GRB2: variants seen among roughly 807,000 people sequenced by gnomAD.
The protein encoded by GRB2 is growth factor receptor-bound protein 2.
In GRB2, 2 loss-of-function variants were observed where a neutral mutation model predicts 27.4. That is an observed-to-expected ratio of 0.07 (90% CI 0.03 to 0.23). The LOEUF is 0.23. GRB2 is among the 10% of genes least tolerant of loss of function. GRB2 has a pLI of 1.00. For missense variants in GRB2, 102 were observed against 282.4 expected (o/e 0.36, Z 4.58); for synonymous variants, 94 against 99.6 (o/e 0.94, Z 0.33).
intron 2 of GRB2, among the ~76,000 whole-genome samples, chr17:75,386,395 G>A (rs1445192365): frequency 6.6e-6 from 1 of 152,180 alleles, no homozygotes; most frequent in African/African-American, 2.4e-5. Context: ...TGGGATTATA[G>A]GCATGAGCCA....
intron 2 of GRB2, among the ~76,000 whole-genome samples, chr17:75,369,681 C>T (rs1207144373): frequency 8.0e-6 from 1 of 124,570 alleles, no homozygotes; most frequent in Non-Finnish European, 1.8e-5. Flanking sequence ...ATGGTGAAAC[C>T]GTCTCCACCA....
intron 2 of GRB2, chr17:75,339,276 C>T (rs1186467014): frequency 1.2e-5 from 7 of 560,178 alleles, no homozygotes; most frequent in Non-Finnish European, 1.9e-5. Flanking sequence ...TCACTGCAAG[C>T]TCCGCCTCCT....
At chr17:75,342,030 C>T (rs1448302365) in intron 2 of GRB2, among the ~76,000 whole-genome samples, 5 of 152,302 alleles carry the variant, frequency 3.3e-5, no homozygotes, top group Admixed American at 2.0e-4. Flanking sequence ...CCTCTAAACA[C>T]ACTGTACTCC....
At chr17:75,328,900 T>C (rs2078519571) in intron 3 of GRB2, among the ~76,000 whole-genome samples, 1 of 151,922 alleles carries the variant, frequency 6.6e-6, no homozygotes, top group African/African-American at 2.4e-5. Context: ...ATCGCGCCAC[T>C]GCACTCTAGC....
chr17:75,325,251 T>C (rs2078490977), intron 4 of GRB2, among the ~76,000 whole-genome samples: 1 of 146,510 alleles, frequency 6.8e-6, no homozygotes, highest in Admixed American at 7.1e-5. Flanking sequence ...GATAATACAT[T>C]AACTAGAAAA....
At chr17:75,386,212 G>A (rs185138198) in intron 2 of GRB2, among the ~76,000 whole-genome samples, 4 of 151,806 alleles carry the variant, frequency 2.6e-5, no homozygotes, top group Middle Eastern at 3.2e-3. Flanking sequence ...TCTGCCTCCC[G>A]AGTTCAAGCG....
chr17:75,376,025 A>AG (rs1405224611), intron 2 of GRB2, among the ~76,000 whole-genome samples: 2 of 62,648 alleles, frequency 3.2e-5, no homozygotes, highest in South Asian at 7.6e-4. Flanking sequence ...ACTCCGTCTC[A>AG]GAAAAAAAAA....
chr17:75,350,945 T>C lies in GRB2; in HGVS notation c.79-18148A>G, dbSNP rs113518725. ...TTCTCAGGCAGGAAGGGATGTGGCA[T>C]AGTCTAGGGGAGACCAGGGACAGAG... On this transcript the variant is annotated intron_variant, in intron 2 of 5. Transcript: ENST00000316804. 4.4e-3 allele frequency among the ~76,000 whole-genome samples: 677 copies of C among 152,254 alleles called. 7 individuals are homozygous for C. The highest frequency in any genetic ancestry group is 0.016 in the African/African-American group (649 of 41,554).
intron 3 of GRB2, among the ~76,000 whole-genome samples, chr17:75,330,965 T>G (rs1598220017): frequency 6.6e-6 from 1 of 152,026 alleles, no homozygotes; most frequent in East Asian, 1.9e-4. Context: ...GGTGCTACAT[T>G]TTATGCTTCC....
At chr17:75,376,592 G>A (rs1026624867) in intron 2 of GRB2, among the ~76,000 whole-genome samples, 1 of 151,312 alleles carries the variant, frequency 6.6e-6, no homozygotes, top group Non-Finnish European at 1.5e-5. Flanking sequence ...TTTTTAGCCT[G>A]TATAACATAA....
chr17:75,341,971 T>G (rs2078624414), intron 2 of GRB2, among the ~76,000 whole-genome samples: 1 of 152,174 alleles, frequency 6.6e-6, no homozygotes, highest in Non-Finnish European at 1.5e-5. Flanking sequence ...GATCTCCCAT[T>G]GCTTCTCCAA....
rs373040664 is a variant in GRB2, at chr17:75,357,599, G to A, written c.79-24802C>T. 7.9e-5 allele frequency among the ~76,000 whole-genome samples: 12 copies of A among 152,258 alleles called. No homozygotes were observed. The East Asian group carries it at 1.3e-3, about 17-fold the overall frequency. On this transcript the variant is annotated intron_variant, in intron 2 of 5. Transcript: ENST00000316804. ...CAAATATTCCATTCCTCAAACATCT[G>A]GTGCTCCCTGACGGTCTATTCATGC...
chr17:75,383,828 G>T (rs2078945388), intron 2 of GRB2, among the ~76,000 whole-genome samples: 1 of 152,012 alleles, frequency 6.6e-6, no homozygotes, highest in Non-Finnish European at 1.5e-5. Flanking sequence ...CTACAGCCTG[G>T]GTGACAGAGC....
At chr17:75,364,526 C>T (rs10775367) in intron 2 of GRB2, among the ~76,000 whole-genome samples, 134,628 of 151,950 alleles carry the variant, frequency 0.89, 60,487 homozygotes, top group Non-Finnish European at 0.96. Flanking sequence ...GAGGCAGGAT[C>T]GGAACCCAGG....
rs902834096 is a variant in GRB2, at chr17:75,393,754, C to A, written c.-126G>T. ...GGACTCGCTCCGGCACTCTGGGACA[C>A]ACAATGCCACCCTGAAGCAGGAGAG... On this transcript the variant is annotated 5_prime_UTR_variant, in exon 2 of 6. Transcript: ENST00000316804. 61 of 706,450 alleles carry A rather than the reference C, an allele frequency of 8.6e-5. No homozygotes were observed. The African/African-American group carries it at 9.8e-4, about 11-fold the overall frequency. The allele number at this position is 706,450 out of a possible 1,614,324, so 43.8% of individuals were successfully genotyped here. A position where few individuals can be genotyped will look rare whatever the true frequency, so the allele number is the denominator to read the frequency against.
At chr17:75,349,953 G>A (rs545685978) in intron 2 of GRB2, among the ~76,000 whole-genome samples, 1 of 151,516 alleles carries the variant, frequency 6.6e-6, no homozygotes, top group South Asian at 2.1e-4. Context: ...ATGGCTTTAT[G>A]AAAAGTAATT....
intron 1 of GRB2, 80 bp from the exon 2 acceptor site, chr17:75,393,845 G>GC (rs2079013781): frequency 1.8e-6 from 1 of 543,200 alleles, no homozygotes; most frequent in Non-Finnish European, 3.2e-6. Context: ...TGCTGTCCCA[G>GC]CCCCCACGCC....
chr17:75,388,596 G>A (rs1385621852), intron 2 of GRB2, among the ~76,000 whole-genome samples: 5 of 145,390 alleles, frequency 3.4e-5, no homozygotes, highest in African/African-American at 1.0e-4. Context: ...GGGGGGGGAA[G>A]AAAAACACTT....
At chr17:75,324,507 G>GTCTTTTTTTTTTTTTTTTTTTTTTTT (rs1555608338) in intron 4 of GRB2, among the ~76,000 whole-genome samples, 1 of 36,704 alleles carries the variant, frequency 2.7e-5, no homozygotes, top group African/African-American at 8.2e-5. Flanking sequence ...ACCGCACCCA[G>GTCTTTTTTTTTTTTTTTTTTTTTTTT]TTTTTTTTTT....
Sources: gnomAD v4.1 joint callset for allele counts (sites outside exome capture counted in the v4.1 genomes callset) on GRCh38, gnomAD v4.1.1 for gene constraint, MANE v1.5 for transcripts, NCBI Gene and HGNC (gene_info 2026-07-23, HGNC 2026-07-21) for gene names.